Variants in CSMD1 observed in about 807,000 individuals in gnomAD.
The protein encoded by CSMD1 is CUB and Sushi multiple domains 1.
Under a neutral mutation model 417.5 loss-of-function variants are expected in CSMD1, and 213 were observed. That is an observed-to-expected ratio of 0.51 (90% CI 0.46 to 0.57). The LOEUF is 0.57. Among genes scored for constraint, CSMD1 ranks in the 20% least tolerant of loss-of-function variants. The probability of loss-of-function intolerance (pLI) is 0.00; values close to 1 mark genes in which losing one functional copy is unlikely to be tolerated. For missense variants in CSMD1, 6,923 were observed against 4,529.7 expected, an observed-to-expected ratio of 1.53 and a Z score of -15.17; for synonymous variants, 2,862 against 1,736.8, an observed-to-expected ratio of 1.65 and a Z score of -16.11.
intron 4 of CSMD1, among the ~76,000 whole-genome samples, chr8:3,999,039 A>G (rs1352544826): frequency 1.3e-5 from 2 of 149,832 alleles, no homozygotes; most frequent in Non-Finnish European, 3.0e-5. Flanking sequence ...TTTATATACT[A>G]TATATAGCTA....
At chr8:3,871,222 T>C (rs1805462027) in intron 5 of CSMD1, among the ~76,000 whole-genome samples, 1 of 152,096 alleles carries the variant, frequency 6.6e-6, no homozygotes, top group African/African-American at 2.4e-5. Flanking sequence ...AGGAACTATA[T>C]TAAAATTAGA....
intron 3 of CSMD1, among the ~76,000 whole-genome samples, chr8:4,333,345 G>A (rs1164734299): frequency 6.6e-6 from 1 of 152,062 alleles, no homozygotes; most frequent in Admixed American, 6.6e-5. Context: ...ATACAGAAAG[G>A]GCGAGCGCAG....
intron 3 of CSMD1, among the ~76,000 whole-genome samples, chr8:4,300,366 C>G (rs144260422): frequency 1.3e-5 from 2 of 152,192 alleles, no homozygotes; most frequent in African/African-American, 4.8e-5. Context: ...AATATATAAA[C>G]TTTATTTCTC....
intron 2 of CSMD1, among the ~76,000 whole-genome samples, chr8:4,612,743 G>C (rs900527302): frequency 6.6e-6 from 1 of 152,166 alleles, no homozygotes; most frequent in South Asian, 2.1e-4. Context: ...GTGTGCAAAT[G>C]TGTGTGTACC....
intron 7 of CSMD1, among the ~76,000 whole-genome samples, chr8:3,625,318 C>G (rs1003659838): frequency 1.3e-5 from 2 of 152,170 alleles, no homozygotes; most frequent in Non-Finnish European, 2.9e-5. Flanking sequence ...AGATCTCATA[C>G]TAATGGATCT....
In CSMD1 at chr8:3,342,330, T is replaced by A. The variant is rs150881762; in HGVS notation, c.3631+964A>T. Among the ~76,000 whole-genome samples, 11 of 152,328 alleles carry A rather than the reference T, an allele frequency of 7.2e-5. No individual in the cohort carries two copies. The East Asian group carries it at 2.1e-3, about 29-fold the overall frequency. On this transcript the variant is annotated intron_variant, in intron 23 of 69. Transcript: ENST00000635120. ...TATCTTTTGCAGGACCTTTTTTGCC[T>A]ATCCATCAAATAAAGGTATCCATCA...
intron 7 of CSMD1, among the ~76,000 whole-genome samples, chr8:3,643,434 G>A (rs546721400): frequency 1.3e-5 from 2 of 151,970 alleles, no homozygotes; most frequent in South Asian, 4.2e-4. Context: ...CGGACGCCGT[G>A]GCTCACGCCT....
chr8:4,421,240 A>T (rs2128940459), intron 2 of CSMD1, among the ~76,000 whole-genome samples: 1 of 152,320 alleles, frequency 6.6e-6, no homozygotes, highest in South Asian at 2.1e-4. Flanking sequence ...TGCTTTAAGA[A>T]AGGAAAAACA....
rs1563218170 is a variant in CSMD1 at position 3,926,090 on chromosome 8, C to CACACACACACACAAACACCATACAT, written c.818+71812_818+71813insATGTATGGTGTTTGTGTGTGTGTGT. Among the ~76,000 whole-genome samples, 17 of 41,596 alleles carry CACACACACACACAAACACCATACAT rather than the reference C, an allele frequency of 4.1e-4. No homozygotes were observed. The African/African-American group carries it at 4.5e-3, about 11-fold the overall frequency. The allele number at this position is 41,596 out of a possible 152,430, so 27.3% of individuals were successfully genotyped here. A position where few individuals can be genotyped will look rare whatever the true frequency, so the allele number is the denominator to read the frequency against. On this transcript the variant is annotated intron_variant, in intron 5 of 69. Coordinates refer to ENST00000635120, the MANE Select transcript of CSMD1 (RefSeq NM_033225.6). ...CACACACACAAACACCATACACACA[C>CACACACACACACAAACACCATACAT]ACACACACACACACACACACACACA...
chr8:4,763,826 G>C (rs186845252), intron 1 of CSMD1, among the ~76,000 whole-genome samples: 82 of 152,266 alleles, frequency 5.4e-4, no homozygotes, highest in Non-Finnish European at 1.0e-3. Flanking sequence ...AAGGATCATG[G>C]TTTAATTTCC....
At chr8:3,663,496 G>A (rs574283283) in intron 7 of CSMD1, among the ~76,000 whole-genome samples, 5 of 152,140 alleles carry the variant, frequency 3.3e-5, no homozygotes, top group East Asian at 1.9e-4. Flanking sequence ...GAACCTCAGG[G>A]CCCCAAAATC....
In CSMD1 at chr8:3,268,364, C is replaced by T. The variant is rs1406941085; in HGVS notation, c.4153+15780G>A. 4.3e-5 allele frequency among the ~76,000 whole-genome samples: 6 copies of T among 138,766 alleles called. No homozygotes were observed. In the Admixed American group the frequency reaches 4.8e-4, roughly 11 times the overall value. The allele number at this position is 138,766 out of a possible 152,430, so 91.0% of individuals were successfully genotyped here. ...CAGGCTGGAGCGTGATCTCAGCTCA[C>T]TGCAAGCTCCGCCTCCGAGGTTCAC... On this transcript the variant is annotated intron_variant, in intron 26 of 69. Transcript: ENST00000635120.
chr8:4,427,020 T>C (rs1797598755), intron 2 of CSMD1, among the ~76,000 whole-genome samples: 1 of 152,108 alleles, frequency 6.6e-6, no homozygotes, highest in African/African-American at 2.4e-5. Context: ...TCAGTGATCA[T>C]GTCCCCACGA....
intron 3 of CSMD1, among the ~76,000 whole-genome samples, chr8:4,202,372 CTT>C (rs1203221111): frequency 6.6e-6 from 1 of 152,152 alleles, no homozygotes; most frequent in Non-Finnish European, 1.5e-5. Flanking sequence ...ATTCTGCACA[CTT>C]TTTTCTTCTA....
chr8:4,157,822 G>A (rs1370229834), intron 3 of CSMD1, among the ~76,000 whole-genome samples: 1 of 152,174 alleles, frequency 6.6e-6, no homozygotes, highest in Non-Finnish European at 1.5e-5. Context: ...GCTTTAGTCA[G>A]TCTCCTATCC....
chr8:3,201,339 C>T (rs949441545), intron 32 of CSMD1, among the ~76,000 whole-genome samples: 1 of 152,094 alleles, frequency 6.6e-6, no homozygotes, highest in African/African-American at 2.4e-5. Flanking sequence ...TTGATTATCC[C>T]ACCCTCTTTT....
At chr8:4,245,967 G>A (rs931444315) in intron 3 of CSMD1, among the ~76,000 whole-genome samples, 1 of 151,998 alleles carries the variant, frequency 6.6e-6, no homozygotes. Context: ...AATCTATCAG[G>A]GCCGTGGACA....
At chr8:3,283,432 G>A (rs1309956475) in intron 26 of CSMD1, among the ~76,000 whole-genome samples, 1 of 152,032 alleles carries the variant, frequency 6.6e-6, no homozygotes, top group African/African-American at 2.4e-5. Flanking sequence ...AACCTTTAAA[G>A]TCGTACGTTT....
intron 3 of CSMD1, among the ~76,000 whole-genome samples, chr8:4,064,165 G>T (rs1799123368): frequency 6.6e-6 from 1 of 152,174 alleles, no homozygotes; most frequent in African/African-American, 2.4e-5. Flanking sequence ...GTTTGACTAT[G>T]AAAAGTGCAA....
Sources: allele counts gnomAD v4.1 joint callset (sites outside exome capture counted in the v4.1 genomes callset), GRCh38; gene constraint gnomAD v4.1.1; transcripts MANE v1.5; gene names NCBI Gene and HGNC (gene_info 2026-07-23, HGNC 2026-07-21).